Variants in CUBN observed in about 807,000 individuals in gnomAD.
CUBN encodes 460 kDa receptor.
Under a neutral mutation model 405.3 loss-of-function variants are expected in CUBN, and 282 were observed. That is an observed-to-expected ratio of 0.70 (90% confidence interval 0.63 to 0.77). The LOEUF is 0.77. CUBN is among the 30% of genes least tolerant of loss of function. The pLI is 0.00. For missense variants in CUBN, 4,514 were observed against 4,475.2 expected, an observed-to-expected ratio of 1.01 and a Z score of -0.25; for synonymous variants, 1,684 against 1,617.0, an observed-to-expected ratio of 1.04 and a Z score of -0.99.
intron 64 of CUBN, among the ~76,000 whole-genome samples, chr10:16,834,223 G>A (rs1405783440): frequency 6.6e-6 from 1 of 152,152 alleles, no homozygotes; most frequent in African/African-American, 2.4e-5. Context: ...TCCTGCCTAT[G>A]AGCGATGATG....
At position 16,949,959 on chromosome 10, in the gene CUBN, A is replaced by G. The variant is rs1203441976; in HGVS notation, c.5080+42T>C. On this transcript the variant is annotated intron_variant, in intron 34 of 66. Coordinates refer to ENST00000377833, the MANE Select transcript of CUBN (RefSeq NM_001081.4). The stretch of plus-strand genomic sequence containing the variant: ...AAATATGCGGATCTATAAATAAAGC[A>G]CAGCCAAGACCACAGATGTAGATGA... The G allele has an allele frequency of 4.2e-6, 6 of 1,428,168 alleles. No individual in the cohort carries two copies. In the South Asian group the frequency reaches 5.8e-5, roughly 14 times the overall value. 88.5% of individuals were successfully genotyped at this position (1,428,168 alleles called of 1,614,324 possible). A position where few individuals can be genotyped will look rare whatever the true frequency, so the allele number is the denominator to read the frequency against.
intron 31 of CUBN, among the ~76,000 whole-genome samples, chr10:16,962,419 G>C (rs1465583746): frequency 6.6e-6 from 1 of 151,096 alleles, no homozygotes; most frequent in Non-Finnish European, 1.5e-5. Flanking sequence ...GGAGAGATAA[G>C]AAGTGAAAAT....
At chr10:17,016,924 G>A (rs1441915377) in intron 28 of CUBN, among the ~76,000 whole-genome samples, 3 of 152,170 alleles carry the variant, frequency 2.0e-5, no homozygotes, top group African/African-American at 7.2e-5. Flanking sequence ...CCCTCTTACA[G>A]AAAAGGCCAA....
chr10:16,904,180 T>C, intron 50 of CUBN, 65 bp from the exon 51 acceptor site: 2 of 1,484,464 alleles, frequency 1.3e-6, no homozygotes, highest in South Asian at 1.1e-5. Context: ...TTCAATGAAT[T>C]TGATAAAAAC....
chr10:17,049,498 C>T (rs1835213328), intron 22 of CUBN, among the ~76,000 whole-genome samples: 2 of 152,114 alleles, frequency 1.3e-5, no homozygotes, highest in Non-Finnish European at 2.9e-5. Context: ...GAATTAATGA[C>T]ATTTTGGGGC....
At chr10:17,000,983 G>T (rs117130670) in intron 28 of CUBN, among the ~76,000 whole-genome samples, 1 of 152,110 alleles carries the variant, frequency 6.6e-6, no homozygotes, top group African/African-American at 2.4e-5. Context: ...TGGTGTGTCC[G>T]GAGTTTGCTC....
chr10:16,869,557 T>TGGGGGG (rs59702069), intron 59 of CUBN, 79 bp downstream of exon 59: 91 of 708,310 alleles, frequency 1.3e-4, no homozygotes, highest in Admixed American at 2.3e-4. Flanking sequence ...CAGGTGGGGG[T>TGGGGGG]GGGGGGGGGG....
At chr10:17,057,562 T>C (rs1028394184) in intron 22 of CUBN, among the ~76,000 whole-genome samples, 1 of 152,016 alleles carries the variant, frequency 6.6e-6, no homozygotes, top group East Asian at 1.9e-4. Flanking sequence ...GTTAAACATA[T>C]CATTACCATA....
At chr10:16,868,962 C>T (rs1230111028) in intron 59 of CUBN, among the ~76,000 whole-genome samples, 3 of 152,156 alleles carry the variant, frequency 2.0e-5, no homozygotes, top group African/African-American at 4.8e-5. Flanking sequence ...TTCATGTCCT[C>T]ATTAAAATAT....
chr10:17,109,834 G>T, intron 9 of CUBN, 99 bp from the exon 10 acceptor site: 2 of 903,476 alleles, frequency 2.2e-6, no homozygotes, highest in Non-Finnish European at 3.7e-6. Context: ...ACCAATCAGG[G>T]ATCCTCTATC....
Position 16,947,487 on chromosome 10 carries a change from T to A in CUBN, c.5210-120A>T, listed in dbSNP as rs2271467. On this transcript the variant is annotated intron_variant, in intron 35 of 66. Transcript: ENST00000377833. ...TAAAAGAATAGATAGTATTTCCATCTCACATTTTAAAACATTCATGTCATA... is the reference window on the plus strand; with the variant it reads ...TAAAAGAATAGATAGTATTTCCATCACACATTTTAAAACATTCATGTCATA... 58,411 of 1,111,882 alleles carry A rather than the reference T, an allele frequency of 0.053. 5,926 individuals are homozygous for A. The highest frequency in any genetic ancestry group is 0.32 in the African/African-American group (20,213 of 63,718). 68.9% of individuals were successfully genotyped at this position (1,111,882 alleles called of 1,614,324 possible).
chr10:17,026,081 C>T (rs766783504), intron 27 of CUBN, among the ~76,000 whole-genome samples: 18 of 152,134 alleles, frequency 1.2e-4, no homozygotes, highest in Middle Eastern at 3.2e-3. Flanking sequence ...CCCTGTAGTT[C>T]CTGCTGCTGA....
intron 10 of CUBN, among the ~76,000 whole-genome samples, chr10:17,106,700 C>A (rs557904587): frequency 1.3e-4 from 20 of 151,932 alleles, no homozygotes; most frequent in African/African-American, 3.6e-4. Context: ...GACACACACA[C>A]ACAGCTAGAA....
Position 16,876,888 on chromosome 10 carries a change from G to A in CUBN, c.9106+9C>T, listed in dbSNP as rs1399591245. 6.2e-7 allele frequency: 1 copy of A among 1,609,738 alleles called. No individual in the cohort carries two copies. On this transcript the variant is annotated intron_variant, in intron 57 of 66. Transcript: ENST00000377833. ...GAAAATTCCAAACTCTGTCATTATGGCTACTCACAGATTATCCTATAGGAA... is the reference window on the plus strand; with the variant it reads ...GAAAATTCCAAACTCTGTCATTATGACTACTCACAGATTATCCTATAGGAA...
At chr10:16,935,839 C>T (rs1428583271) in intron 39 of CUBN, among the ~76,000 whole-genome samples, 1 of 128,402 alleles carries the variant, frequency 7.8e-6, no homozygotes, top group Admixed American at 9.4e-5. Flanking sequence ...GAGATTGTGC[C>T]ACTGCACTCC....
At chr10:16,929,085 G>A (rs1842295089) in intron 40 of CUBN, among the ~76,000 whole-genome samples, 1 of 151,786 alleles carries the variant, frequency 6.6e-6, no homozygotes, top group African/African-American at 2.4e-5. Context: ...GCAATTGTAT[G>A]TGCCCTTTCT....
At chr10:16,827,151 T>C (rs1838807824) in intron 66 of CUBN, among the ~76,000 whole-genome samples, 1 of 152,204 alleles carries the variant, frequency 6.6e-6, no homozygotes, top group African/African-American at 2.4e-5. Flanking sequence ...AAGTGTTGTC[T>C]GTAGTTGCAA....
chr10:17,071,306 T>C (rs763573317), intron 19 of CUBN, 120 bp downstream of exon 19: 22 of 995,726 alleles, frequency 2.2e-5, no homozygotes, highest in Non-Finnish European at 3.2e-5. Flanking sequence ...TATGTATCCA[T>C]AAGACATATT....
intron 7 of CUBN, among the ~76,000 whole-genome samples, chr10:17,115,096 T>G (rs538276308): frequency 6.6e-6 from 1 of 151,976 alleles, no homozygotes; most frequent in Admixed American, 6.6e-5. Flanking sequence ...ATACCAAAAT[T>G]AGCCAGGCAT....
Sources: gnomAD v4.1 joint callset for allele counts (sites outside exome capture counted in the v4.1 genomes callset) on GRCh38, gnomAD v4.1.1 for gene constraint, MANE v1.5 for transcripts, NCBI Gene and HGNC (gene_info 2026-07-23, HGNC 2026-07-21) for gene names.